Variants in VPS8 observed in about 807,000 individuals in gnomAD.
VPS8 encodes the protein VPS8 subunit of CORVET complex.
Under a neutral mutation model 216.4 loss-of-function variants are expected in VPS8, and 129 were observed. That is an observed-to-expected ratio of 0.60 (90% CI 0.52 to 0.69). VPS8 has a LOEUF of 0.69. Ranked by LOEUF, VPS8 falls within the 30% of genes least tolerant of loss-of-function variation. The pLI, the probability that VPS8 is intolerant of heterozygous loss-of-function variation, is 0.00. For synonymous variants in VPS8, 571 were observed against 565.4 expected, an observed-to-expected ratio of 1.01 and a Z score of -0.14; for missense variants, 1,531 against 1,683.5, an observed-to-expected ratio of 0.91 and a Z score of 1.59.
chr3:184,982,344 T>C, intron 40 of VPS8: 1 of 512,632 alleles, frequency 2.0e-6, no homozygotes, highest in Non-Finnish European at 3.4e-6. Context: ...CAGGGCTTCA[T>C]GATAAAGATG....
At chr3:184,920,440 C>T (rs1738410894) in intron 29 of VPS8, among the ~76,000 whole-genome samples, 1 of 152,158 alleles carries the variant, frequency 6.6e-6, no homozygotes, top group African/African-American at 2.4e-5. Flanking sequence ...GTGAGAAAGG[C>T]ATATGGTGAT....
At chr3:185,050,585 C>G (rs762180137) in intron 47 of VPS8, among the ~76,000 whole-genome samples, 27 of 152,218 alleles carry the variant, frequency 1.8e-4, no homozygotes, top group Non-Finnish European at 3.4e-4. Context: ...GCGGGTGAAT[C>G]CCACACCGCC....
intron 28 of VPS8, among the ~76,000 whole-genome samples, chr3:184,918,813 A>T (rs1355950955): frequency 6.6e-6 from 1 of 152,176 alleles, no homozygotes; most frequent in African/African-American, 2.4e-5. Flanking sequence ...ATGGGTGTCT[A>T]TGTATGTGTG....
At chr3:185,013,738 A>C (rs1442447269) in intron 45 of VPS8, among the ~76,000 whole-genome samples, 2 of 152,190 alleles carry the variant, frequency 1.3e-5, no homozygotes, top group Non-Finnish European at 1.5e-5. Flanking sequence ...GGTTCCAGAT[A>C]ATAGGAACTC....
At chr3:184,930,630 T>C in intron 34 of VPS8, 62 bp downstream of exon 34, 1 of 1,254,172 alleles carries the variant, frequency 8.0e-7, no homozygotes, top group Non-Finnish European at 1.2e-6. Context: ...AAGTTAACTT[T>C]ATGCCAACGA....
intron 47 of VPS8, among the ~76,000 whole-genome samples, chr3:185,050,643 G>A (rs923427957): frequency 6.6e-6 from 1 of 152,228 alleles, no homozygotes; most frequent in African/African-American, 2.4e-5. Flanking sequence ...TGAAGGATGA[G>A]AAATAACACA....
intron 1 of VPS8, among the ~76,000 whole-genome samples, chr3:184,820,012 G>A (rs530022202): frequency 6.6e-6 from 1 of 152,302 alleles, no homozygotes; most frequent in South Asian, 2.1e-4. Context: ...AGGAGGAGGA[G>A]GGGTTGGTCT....
intron 1 of VPS8, among the ~76,000 whole-genome samples, chr3:184,823,577 G>A (rs1718086588): frequency 6.6e-6 from 1 of 152,126 alleles, no homozygotes; most frequent in South Asian, 2.1e-4. Flanking sequence ...ATCTAGTTTA[G>A]GAAACAAAAT....
chr3:184,843,241 A>G lies in VPS8; in HGVS notation c.537A>G (p.Gly179=), dbSNP rs1287284129. ...ATCTTTTCTTCATGGATTCAAAAGG[A>G]AAAGGTATAGTAAGTAATTTTAGTT... ...GTSHGLALIF[G]KDQNQALRLC... Residue 179 remains glycine (G), a splice_region_variant and synonymous_variant, in exon 8 of 48, where the codon GGA becomes GGG. Transcript: ENST00000625842. 2 of 1,415,934 alleles carry G rather than the reference A, an allele frequency of 1.4e-6. No individual in the cohort carries two copies. Among genetic ancestry groups the G allele is most frequent in the East Asian group, 2.5e-5 (1 of 39,840 alleles). The allele number at this position is 1,415,934 out of a possible 1,614,324, so 87.7% of individuals were successfully genotyped here.
intron 45 of VPS8, 121 bp downstream of exon 45, chr3:184,999,982 A>G (rs1314975128): frequency 1.8e-6 from 2 of 1,120,714 alleles, no homozygotes; most frequent in South Asian, 1.7e-5. Context: ...TATTGGGTAC[A>G]TGAAATGTTC....
intron 42 of VPS8, among the ~76,000 whole-genome samples, chr3:184,993,408 A>G (rs1408318693): frequency 2.0e-5 from 3 of 152,028 alleles, no homozygotes; most frequent in Non-Finnish European, 4.4e-5. Context: ...CACATAATAA[A>G]CAAGTTACTT....
intron 37 of VPS8, among the ~76,000 whole-genome samples, chr3:184,959,946 G>T (rs1042053920): frequency 6.6e-6 from 1 of 151,626 alleles, no homozygotes; most frequent in Non-Finnish European, 1.5e-5. Flanking sequence ...CCATCAACTC[G>T]TCATTTACAT....
chr3:184,934,910 T>C (rs1741325697), intron 34 of VPS8, among the ~76,000 whole-genome samples: 1 of 152,216 alleles, frequency 6.6e-6, no homozygotes, highest in Non-Finnish European at 1.5e-5. Flanking sequence ...GTAAGAGGTT[T>C]AGTTAAGGCT....
intron 46 of VPS8, among the ~76,000 whole-genome samples, chr3:185,039,550 G>T (rs867762297): frequency 6.6e-6 from 1 of 151,950 alleles, no homozygotes; most frequent in African/African-American, 2.4e-5. Context: ...GAAAAGAAAT[G>T]CTTTTTATTA....
chr3:185,045,173 G>GAAATT (rs376530454), intron 46 of VPS8, among the ~76,000 whole-genome samples: 2 of 151,422 alleles, frequency 1.3e-5, no homozygotes, highest in Admixed American at 6.6e-5. Context: ...ATTGCCACCA[G>GAAATT]TGTCAATACA....
intron 45 of VPS8, among the ~76,000 whole-genome samples, chr3:185,011,155 T>A (rs1577149176): frequency 6.6e-6 from 1 of 151,812 alleles, no homozygotes; most frequent in African/African-American, 2.4e-5. Flanking sequence ...GAGTTCTAAT[T>A]CCAGTAACAG....
At chr3:184,966,146 G>A (rs768415573) in intron 38 of VPS8, among the ~76,000 whole-genome samples, 1 of 152,282 alleles carries the variant, frequency 6.6e-6, no homozygotes, top group East Asian at 1.9e-4. Context: ...GAGAGCTGAC[G>A]TGTCACATGG....
At chr3:184,818,224 G>A (rs934326715) in intron 1 of VPS8, among the ~76,000 whole-genome samples, 1 of 152,108 alleles carries the variant, frequency 6.6e-6, no homozygotes, top group Non-Finnish European at 1.5e-5. Flanking sequence ...GAGGCATTGG[G>A]AATCTGTTAA....
intron 29 of VPS8, among the ~76,000 whole-genome samples, chr3:184,921,877 G>C (rs2109144034): frequency 6.6e-6 from 1 of 152,156 alleles, no homozygotes; most frequent in Non-Finnish European, 1.5e-5. Context: ...GAGAAGTTCT[G>C]TTTCTAAGTT....
Sources: allele counts gnomAD v4.1 joint callset (sites outside exome capture counted in the v4.1 genomes callset), GRCh38; gene constraint gnomAD v4.1.1; transcripts MANE v1.5; gene names NCBI Gene and HGNC (gene_info 2026-07-23, HGNC 2026-07-21).